Variants in TMEM67 observed in about 807,000 individuals in gnomAD.
The protein encoded by TMEM67 is transmembrane protein 67, also known as meckelin.
A neutral mutation model predicts 136.6 loss-of-function variants in TMEM67; 124 were observed. The observed-to-expected ratio is 0.91, with a 90% CI of 0.78 to 1.05. The LOEUF is 1.05. Among genes scored for constraint, TMEM67 ranks in the 50% least tolerant of loss-of-function variants. The pLI, the probability that TMEM67 is intolerant of heterozygous loss-of-function variation, is 0.00. For missense variants in TMEM67, 1,107 were observed against 1,178.4 expected, an observed-to-expected ratio of 0.94 and a Z score of 0.89; for synonymous variants, 364 against 390.5, an observed-to-expected ratio of 0.93 and a Z score of 0.80.
In TMEM67 at chr8:93,785,311, T is replaced by A. The variant is rs1814043686; in HGVS notation, c.1221T>A (p.His407Gln). The A allele has an allele frequency of 6.2e-7, 1 of 1,606,978 alleles. No individual in the cohort carries two copies. Among genetic ancestry groups the A allele is most frequent in the African/African-American group, 1.3e-5 (1 of 74,774 alleles). The change falls in exon 12 of 28, where the codon CAT becomes CAA. Residue 407 changes from histidine to glutamine, a missense_variant. Physicochemically the swap from His to Gln is conservative, Grantham distance 24. Around this residue, in one of 3 missense-constraint regions of TMEM67, gnomAD observed 925 missense variants for 1,002.4 expected, o/e 0.92. Coordinates refer to ENST00000453321, the MANE Select transcript of TMEM67 (RefSeq NM_153704.6). The stretch of plus-strand genomic sequence containing the variant: ...TTGAATATACTGATGAAAATCAACA[T>A]CAATATATTTTGGCTGTGCCTGTGT... ...VYLEYTDENQ[H>Q]QYILAVPVLN...
intron 21 of TMEM67, 143 bp downstream of exon 21, chr8:93,799,901 GTTCTTTTTTTT>G (rs1395249904): frequency 2.6e-5 from 11 of 430,184 alleles, no homozygotes; most frequent in African/African-American, 2.4e-4. Flanking sequence ...CTAATGGTCA[GTTCTTTTTTTT>G]TTTTTTTTTT....
chr8:93,828,975 A>G, the TMEM67 span, among the ~76,000 whole-genome samples: 53 of 152,082 alleles, frequency 3.5e-4, no homozygotes, highest in Non-Finnish European at 7.2e-4. Flanking sequence ...TTGTAACATT[A>G]TGTGTATATT....
At chr8:93,804,104 C>T (rs1449404503) in intron 22 of TMEM67, among the ~76,000 whole-genome samples, 3 of 151,646 alleles carry the variant, frequency 2.0e-5, no homozygotes, top group African/African-American at 4.8e-5. Flanking sequence ...TGGTCTTGAA[C>T]TCCTGACCTC....
the TMEM67 span, among the ~76,000 whole-genome samples, chr8:93,825,523 G>T: frequency 6.6e-6 from 1 of 152,160 alleles, no homozygotes; most frequent in Admixed American, 6.5e-5. Context: ...ATGGTGATCA[G>T]GACGGTGAAG....
In TMEM67 at chr8:93,765,601, G is replaced by A; in HGVS notation, c.606G>A (p.Gly202=). The A allele has an allele frequency of 6.2e-7, 1 of 1,613,356 alleles. No homozygotes were observed. The highest frequency in any genetic ancestry group is 1.7e-4 in the Middle Eastern group (1 of 6,060). The change falls in exon 6 of 28, where the codon GGG becomes GGA. Residue 202 remains glycine (G), a synonymous_variant. Coordinates refer to ENST00000453321, the MANE Select transcript of TMEM67 (RefSeq NM_153704.6). ...LTGGLCFSST[G]NFPLRRISAA... Reference sequence around the variant, plus strand: ...GGGGATTATGTTTCAGCAGCACAGGGAATTTTCCTCTACGTAGAATTTCAG... The same window carrying A: ...GGGGATTATGTTTCAGCAGCACAGGAAATTTTCCTCTACGTAGAATTTCAG...
chr8:93,795,830 A>G (rs1254336204), intron 17 of TMEM67, 71 bp from the exon 18 acceptor site: 10 of 1,299,000 alleles, frequency 7.7e-6, no homozygotes, highest in Non-Finnish European at 1.1e-5. Flanking sequence ...ACAAAAACGA[A>G]AACAAAAAAC....
chr8:93,765,665 T>C lies in TMEM67; in HGVS notation c.651+19T>C. ...AGAAGTTGTGAGTATGTTTCAATTTTTTTGTTCTGTTGTTAAAAAACTTTC... is the reference window on the plus strand; with the variant it reads ...AGAAGTTGTGAGTATGTTTCAATTTCTTTGTTCTGTTGTTAAAAAACTTTC... On this transcript the variant is annotated intron_variant, in intron 6 of 27. Transcript: ENST00000453321. The C allele has an allele frequency of 6.4e-7, 1 of 1,573,602 alleles. No individual in the cohort carries two copies. Among genetic ancestry groups the C allele is most frequent in the Non-Finnish European group, 8.7e-7 (1 of 1,143,134 alleles).
downstream of TMEM67, among the ~76,000 whole-genome samples, chr8:93,820,658 A>G (rs182370106): frequency 1.5e-3 from 228 of 152,344 alleles, 5 homozygotes; most frequent in South Asian, 0.013. Flanking sequence ...TCAAAGACTT[A>G]TTGGGAAGAT....
intron 26 of TMEM67, among the ~76,000 whole-genome samples, chr8:93,810,446 G>A (rs1038636157): frequency 1.3e-5 from 2 of 151,958 alleles, no homozygotes; most frequent in Non-Finnish European, 2.9e-5. Context: ...CAGGCATGGT[G>A]GCAGGCACAT....
At chr8:93,802,581 T>G (rs1000581019) in intron 21 of TMEM67, among the ~76,000 whole-genome samples, 4 of 152,230 alleles carry the variant, frequency 2.6e-5, no homozygotes, top group Non-Finnish European at 4.4e-5. Flanking sequence ...TCAAGAATCC[T>G]TAAGGGTTCC....
At chr8:93,769,956 C>T (rs968510027) in intron 6 of TMEM67, among the ~76,000 whole-genome samples, 3 of 152,120 alleles carry the variant, frequency 2.0e-5, no homozygotes, top group African/African-American at 7.2e-5. Flanking sequence ...TATAACAAGG[C>T]ATCCAATCCT....
intron 1 of TMEM67, 88 bp downstream of exon 1, chr8:93,755,225 G>T: frequency 7.9e-7 from 1 of 1,266,466 alleles, no homozygotes; most frequent in Non-Finnish European, 1.2e-6. Context: ...TCACCATGTT[G>T]ATCAGGCTAG....
At chr8:93,775,871 T>G (rs1488126243) in intron 7 of TMEM67, among the ~76,000 whole-genome samples, 1 of 152,176 alleles carries the variant, frequency 6.6e-6, no homozygotes, top group Non-Finnish European at 1.5e-5. Flanking sequence ...TTACAGTAGT[T>G]TTTTCCAATT....
chr8:93,791,348 A>G, intron 15 of TMEM67, 29 bp downstream of exon 15: 7 of 1,434,328 alleles, frequency 4.9e-6, no homozygotes, highest in South Asian at 1.2e-5. Context: ...TTTAAAATAT[A>G]TACAGTGTAT....
intron 6 of TMEM67, among the ~76,000 whole-genome samples, chr8:93,767,057 C>T (rs1813111278): frequency 6.6e-6 from 1 of 152,110 alleles, no homozygotes; most frequent in African/African-American, 2.4e-5. Flanking sequence ...TCTTTCTGGT[C>T]TGAGATCCCC....
intron 14 of TMEM67, 81 bp downstream of exon 14, chr8:93,788,030 A>T: frequency 1.9e-6 from 2 of 1,066,574 alleles, no homozygotes; most frequent in Admixed American, 1.9e-5. Flanking sequence ...GTCAAAAGAC[A>T]GTCTTTTTTT....
chr8:93,786,213 A>G lies in TMEM67; in HGVS notation c.1289-10A>G. 1.9e-6 allele frequency: 3 copies of G among 1,612,480 alleles called. No homozygotes were observed. Among genetic ancestry groups the G allele is most frequent in the Non-Finnish European group, 2.5e-6 (3 of 1,179,456 alleles). ...TTGTGCAGTAAACTTTTTTCTTTTT[A>G]TAATAAAAGACAGCAACTCTGGAAA... On this transcript the variant is annotated splice_polypyrimidine_tract_variant and intron_variant, in intron 12 of 27. Coordinates refer to ENST00000453321, the MANE Select transcript of TMEM67 (RefSeq NM_153704.6).
intron 2 of TMEM67, 41 bp downstream of exon 2, chr8:93,755,907 T>A: frequency 1.8e-6 from 2 of 1,103,466 alleles, no homozygotes; most frequent in Non-Finnish European, 2.7e-6. Context: ...CTGTAAAAAG[T>A]AGTAAGTTAA....
chr8:93,810,014 G>A, intron 26 of TMEM67, 127 bp downstream of exon 26: 1 of 584,344 alleles, frequency 1.7e-6, no homozygotes, highest in Non-Finnish European at 3.0e-6. Context: ...TGTTGCCCAG[G>A]CTGGAGTGCA....
Sources: allele counts gnomAD v4.1 joint callset (sites outside exome capture counted in the v4.1 genomes callset), GRCh38; gene constraint gnomAD v4.1.1; regional missense constraint gnomAD v4.1.1; transcripts MANE v1.5; gene names NCBI Gene and HGNC (gene_info 2026-07-23, HGNC 2026-07-21).